SOX11: variants seen among roughly 807,000 people sequenced by gnomAD.
SOX11 encodes transcription factor SOX-11.
A neutral mutation model predicts 16.7 loss-of-function variants in SOX11; 5 were observed. The observed-to-expected ratio is 0.30, with a 90% CI of 0.16 to 0.63. SOX11 has a LOEUF of 0.63. SOX11 is among the 20% of genes least tolerant of loss of function. The pLI is 0.82. For missense variants in SOX11, 492 were observed against 641.5 expected, an observed-to-expected ratio of 0.77 and a Z score of 2.52; for synonymous variants, 363 against 298.8, an observed-to-expected ratio of 1.21 and a Z score of -2.22.
At position 5,693,426 on chromosome 2, in the gene SOX11, G is replaced by A. The variant is rs777727843; in HGVS notation, c.705G>A (p.Leu235=). 2 of 1,591,826 alleles carry A rather than the reference G, an allele frequency of 1.3e-6. No homozygotes were observed. The highest frequency in any genetic ancestry group is 2.2e-5 in the East Asian group (1 of 44,508). Reference sequence around the variant, plus strand: ...ACGACGACGACGACGACGACGAGCTGCAGCTGCAGATCAAACAGGAGCCGG... The same window carrying A: ...ACGACGACGACGACGACGACGAGCTACAGCTGCAGATCAAACAGGAGCCGG... ...DDDDDDDDDE[L]QLQIKQEPDE... is the part of the protein sequence containing the mutation. Residue 235 remains leucine, a synonymous_variant, in exon 1 of 1, where the codon CTG becomes CTA. Transcript: ENST00000322002. This position sits in a 1 kb window ranked among gnomAD's most constrained non-coding sequence, Gnocchi z 8.6.
chr2:5,699,964 G>A lies in SOX11; in HGVS notation c.*5917G>A, dbSNP rs1023158422. 1.8e-5 allele frequency: 3 copies of A among 166,954 alleles called. No homozygotes were observed. Among genetic ancestry groups the A allele is most frequent in the Non-Finnish European group, 2.9e-5 (2 of 68,122 alleles). The allele number at this position is 166,954 out of a possible 1,614,324, so 10.3% of individuals were successfully genotyped here. ...AAGTATAAAACGGCTTACAAAGGGA[G>A]ACACAAGCTCATAATGTTCCATGTA... is the stretch of plus-strand genomic sequence containing the variant. On this transcript the variant is annotated 3_prime_UTR_variant, in exon 1 of 1. Transcript: ENST00000322002.
Position 5,694,016 on chromosome 2 carries a change from C to A in SOX11, c.1295C>A (p.Ala432Glu), listed in dbSNP as rs767281459. The A allele has an allele frequency of 1.3e-6, 2 of 1,551,022 alleles. No individual in the cohort carries two copies. The highest frequency in any genetic ancestry group is 1.7e-6 in the Non-Finnish European group (2 of 1,146,934). Residue 432 changes from alanine (A) to glutamate (E), a missense_variant, in exon 1 of 1, where the codon GCG (alanine) becomes GAG (glutamate). By Grantham distance (107) the Ala-to-Glu change is moderately radical (BLOSUM62 -1). Transcript: ENST00000322002. ...SEMIAGDWLE[A>E]NFSDLVFTY ...ATGATCGCGGGGGACTGGCTGGAGGCGAACTTCTCCGACCTGGTGTTCACA... is the reference window on the plus strand; with the variant it reads ...ATGATCGCGGGGGACTGGCTGGAGGAGAACTTCTCCGACCTGGTGTTCACA...
rs4371338 is a variant in SOX11 at position 5,697,898 on chromosome 2, G to A, written c.*3851G>A. 0.4 allele frequency: 67,594 copies of A among 166,918 alleles called. 14,103 individuals are homozygous for A. The highest frequency in any genetic ancestry group is 0.54 in the Admixed American group (8,211 of 15,274). 10.3% of individuals were successfully genotyped at this position (166,918 alleles called of 1,614,324 possible). On this transcript the variant is annotated 3_prime_UTR_variant, in exon 1 of 1. Coordinates refer to ENST00000322002, the MANE Select transcript of SOX11 (RefSeq NM_003108.4). The stretch of plus-strand genomic sequence containing the variant: ...ATAGGCTGATCTATGTATTTTGAAA[G>A]CCTGAAAACTTGGCATGTCTTTTCT...
Position 5,696,932 on chromosome 2 carries a change from G to A in SOX11, c.*2885G>A, listed in dbSNP as rs889856297. ...GGAGCCTCCTGGGGGCTCCGGCGGC[G>A]GCGCGGGCGCGACCCATCCCGCTGG... On this transcript the variant is annotated 3_prime_UTR_variant, in exon 1 of 1. Coordinates refer to ENST00000322002, the MANE Select transcript of SOX11 (RefSeq NM_003108.4). 1.9e-5 allele frequency: 3 copies of A among 159,794 alleles called. No individual in the cohort carries two copies. The highest frequency in any genetic ancestry group is 7.3e-5 in the African/African-American group (3 of 41,374). 9.9% of individuals were successfully genotyped at this position (159,794 alleles called of 1,614,324 possible). A position where few individuals can be genotyped will look rare whatever the true frequency, so the allele number is the denominator to read the frequency against.
In SOX11 at chr2:5,693,711, G is replaced by A. The variant is rs1366863339; in HGVS notation, c.990G>A (p.Ala330=). 2 of 1,599,250 alleles carry A rather than the reference G, an allele frequency of 1.3e-6. No individual in the cohort carries two copies. The highest frequency in any genetic ancestry group is 2.2e-5 in the East Asian group (1 of 44,588). ...KQHPPPLAQP[A]LSPASSRSVS... ...ACCCGCCGCCGCTCGCGCAGCCCGCGCTGTCGCCCGCGTCCTCGCGCTCGG... is the reference window on the plus strand; with the variant it reads ...ACCCGCCGCCGCTCGCGCAGCCCGCACTGTCGCCCGCGTCCTCGCGCTCGG... The change falls in exon 1 of 1, where the codon GCG becomes GCA. Residue 330 remains alanine (A), a synonymous_variant. Transcript: ENST00000322002. This position sits in a 1 kb window ranked among gnomAD's most constrained non-coding sequence, Gnocchi z 8.6.
rs1030487610 is a variant in SOX11, at chr2:5,692,487, C to G, written c.-235C>G. Among the ~76,000 whole-genome samples the G allele has an allele frequency of 2.1e-4, 32 of 151,990 alleles. No homozygotes were observed. The highest frequency in any genetic ancestry group is 3.4e-3 in the Middle Eastern group (1 of 292). On this transcript the variant is annotated 5_prime_UTR_variant, in exon 1 of 1. Coordinates refer to ENST00000322002, the MANE Select transcript of SOX11 (RefSeq NM_003108.4). Reference sequence around the variant, plus strand: ...CGGGCTGCCTCGACCGCCGTCGCCACCGCCTCTCCTGTCGCGACCGCAGCT... The same window carrying G: ...CGGGCTGCCTCGACCGCCGTCGCCAGCGCCTCTCCTGTCGCGACCGCAGCT...
rs752522638 is a variant in SOX11 at position 5,694,017 on chromosome 2, G to A, written c.1296G>A (p.Ala432=). Residue 432 remains alanine (A), a synonymous_variant, in exon 1 of 1, where the codon GCG becomes GCA. Transcript: ENST00000322002. ...TGATCGCGGGGGACTGGCTGGAGGCGAACTTCTCCGACCTGGTGTTCACAT... is the reference window on the plus strand; with the variant it reads ...TGATCGCGGGGGACTGGCTGGAGGCAAACTTCTCCGACCTGGTGTTCACAT... ...SEMIAGDWLE[A]NFSDLVFTY 4.5e-6 allele frequency: 7 copies of A among 1,550,984 alleles called. No homozygotes were observed. The highest frequency in any genetic ancestry group is 6.1e-6 in the Non-Finnish European group (7 of 1,146,976).
chr2:5,700,271 A>AT lies in SOX11; in HGVS notation c.*6230dup, dbSNP rs1023498005. The AT allele has an allele frequency of 6.0e-5, 10 of 167,036 alleles. No individual in the cohort carries two copies. The highest frequency in any genetic ancestry group is 2.2e-4 in the African/African-American group (9 of 41,454). 10.3% of individuals were successfully genotyped at this position (167,036 alleles called of 1,614,324 possible). A position where few individuals can be genotyped will look rare whatever the true frequency, so the allele number is the denominator to read the frequency against. On this transcript the variant is annotated 3_prime_UTR_variant, in exon 1 of 1. Coordinates refer to ENST00000322002, the MANE Select transcript of SOX11 (RefSeq NM_003108.4). The stretch of plus-strand genomic sequence containing the variant: ...TCTTTTATGTAGTCACGTAGACTTG[A>AT]TTTTTTCTGCTGTGAAAATGAAAAA...
At position 5,694,666 on chromosome 2, in the gene SOX11, ATTTTTTTTTT is replaced by A. The variant is rs5829022; in HGVS notation, c.*642_*651del. 40 of 42,882 alleles carry A rather than the reference ATTTTTTTTTT, an allele frequency of 9.3e-4. No individual in the cohort carries two copies. Among genetic ancestry groups the A allele is most frequent in the South Asian group, 3.7e-3 (2 of 538 alleles). The allele number at this position is 42,882 out of a possible 1,614,324, so 2.7% of individuals were successfully genotyped here. A position where few individuals can be genotyped will look rare whatever the true frequency, so the allele number is the denominator to read the frequency against. ...GACCATTGCAACTTTTGTTAATTTA[ATTTTTTTTTT>A]TTTTTTTTTTTTTTTTTTTTTTGGA... On this transcript the variant is annotated 3_prime_UTR_variant, in exon 1 of 1. Transcript: ENST00000322002.
Position 5,693,643 on chromosome 2 carries a change from G to A in SOX11, c.922G>A (p.Gly308Ser), listed in dbSNP as rs759699166. Reference sequence around the variant, plus strand: ...CGGCGCGACCTCGGGCGCCGGGGGCGGCAGCCGCCTCTACTACAGCTTCAA... The same window carrying A: ...CGGCGCGACCTCGGGCGCCGGGGGCAGCAGCCGCCTCTACTACAGCTTCAA... ...RAGATSGAGG[G>S]SRLYYSFKNI... Residue 308 changes from glycine to serine, a missense_variant, in exon 1 of 1, where the codon GGC becomes AGC. Gly to Ser is a moderately conservative substitution (Grantham distance 56, BLOSUM62 0). Around this residue, in one of 4 missense-constraint regions of SOX11, gnomAD observed 389 missense variants for 389.0 expected, o/e 1.00. Coordinates refer to ENST00000322002, the MANE Select transcript of SOX11 (RefSeq NM_003108.4). The surrounding 1 kb of genome is among the most constrained non-coding windows in gnomAD (Gnocchi z 8.6). 1.3e-6 allele frequency: 2 copies of A among 1,586,532 alleles called. No homozygotes were observed. The highest frequency in any genetic ancestry group is 1.7e-6 in the Non-Finnish European group (2 of 1,173,604).
At position 5,699,708 on chromosome 2, in the gene SOX11, GC is replaced by G. The variant is rs1193478121; in HGVS notation, c.*5662del. 1 of 107,506 alleles carries G rather than the reference GC, an allele frequency of 9.3e-6. No homozygotes were observed. The highest frequency in any genetic ancestry group is 4.7e-5 in the African/African-American group (1 of 21,264). 6.7% of individuals were successfully genotyped at this position (107,506 alleles called of 1,614,324 possible). On this transcript the variant is annotated 3_prime_UTR_variant, in exon 1 of 1. Transcript: ENST00000322002. ...CTCTCTTCCATTTTACTTACTGCTG[GC>G]TTTTTTTTTTTTTTTTTTCCTTGAT...
chr2:5,693,277 G>A lies in SOX11; in HGVS notation c.556G>A (p.Ala186Thr). 2 of 1,448,592 alleles carry A rather than the reference G, an allele frequency of 1.4e-6. No homozygotes were observed. The allele number at this position is 1,448,592 out of a possible 1,614,324, so 89.7% of individuals were successfully genotyped here. ...AGAKAGAGKA[A>T]QSGDYGGAGD... ...CGCCAAGGCGGGCGCGGGCAAGGCG[G>A]CCCAGTCCGGGGACTACGGGGGCGC... The change falls in exon 1 of 1, where the codon GCC becomes ACC. Residue 186 changes from alanine to threonine, a missense_variant. Ala to Thr is a moderately conservative substitution (Grantham distance 58, BLOSUM62 0). Transcript: ENST00000322002. This position sits in a 1 kb window ranked among gnomAD's most constrained non-coding sequence, Gnocchi z 8.6.
Position 5,699,875 on chromosome 2 carries a change from T to C in SOX11, c.*5828T>C, listed in dbSNP as rs1665805054. On this transcript the variant is annotated 3_prime_UTR_variant, in exon 1 of 1. Transcript: ENST00000322002. The stretch of plus-strand genomic sequence containing the variant: ...ACAAACAAGTAGTTTTTTAGTGAAC[T>C]TAAAATAAACAGAATTTTAAAGGAG... The C allele has an allele frequency of 1.2e-5, 2 of 167,068 alleles. No homozygotes were observed. The highest frequency in any genetic ancestry group is 1.3e-4 in the Admixed American group (2 of 15,284). 10.3% of individuals were successfully genotyped at this position (167,068 alleles called of 1,614,324 possible).
In SOX11 at chr2:5,695,256, T is replaced by C. The variant is rs1457724925; in HGVS notation, c.*1209T>C. On this transcript the variant is annotated 3_prime_UTR_variant, in exon 1 of 1. Coordinates refer to ENST00000322002, the MANE Select transcript of SOX11 (RefSeq NM_003108.4). Reference sequence around the variant, plus strand: ...ACAGCTATAGTAGAGATTTGTTCAATATTTGTAGGTAAAGATTTATTGAAA... The same window carrying C: ...ACAGCTATAGTAGAGATTTGTTCAACATTTGTAGGTAAAGATTTATTGAAA... The C allele has an allele frequency of 6.0e-6, 1 of 166,746 alleles. No homozygotes were observed. The highest frequency in any genetic ancestry group is 2.4e-5 in the African/African-American group (1 of 41,362). The allele number at this position is 166,746 out of a possible 1,614,324, so 10.3% of individuals were successfully genotyped here.
rs1401212310 is a variant in SOX11, at chr2:5,693,249, G to T, written c.528G>T (p.Ala176=). Reference sequence around the variant, plus strand: ...GCAAGCTCAAGGCCCCCGCGGCCGCGGGCGCCAAGGCGGGCGCGGGCAAGG... The same window carrying T: ...GCAAGCTCAAGGCCCCCGCGGCCGCTGGCGCCAAGGCGGGCGCGGGCAAGG... ...KCGKLKAPAA[A]GAKAGAGKAA... is the part of the protein sequence containing the mutation. Residue 176 remains alanine, a synonymous_variant, in exon 1 of 1, where the codon GCG becomes GCT. Transcript: ENST00000322002. The surrounding 1 kb of genome is among the most constrained non-coding windows in gnomAD (Gnocchi z 8.6). The T allele has an allele frequency of 5.8e-6, 8 of 1,378,224 alleles. No homozygotes were observed. Among genetic ancestry groups the T allele is most frequent in the Middle Eastern group, 2.2e-4 (1 of 4,574 alleles). The allele number at this position is 1,378,224 out of a possible 1,614,324, so 85.4% of individuals were successfully genotyped here. A position where few individuals can be genotyped will look rare whatever the true frequency, so the allele number is the denominator to read the frequency against.
chr2:5,693,413 A>G lies in SOX11; in HGVS notation c.692A>G (p.Asp231Gly), dbSNP rs765361062. The change falls in exon 1 of 1, where the codon GAC (aspartate) becomes GGC (glycine). Residue 231 changes from aspartate to glycine, a missense_variant. Asp to Gly is a moderately conservative substitution (Grantham distance 94). Around this residue, in one of 4 missense-constraint regions of SOX11, gnomAD observed 389 missense variants for 389.0 expected, o/e 1.00. Transcript: ENST00000322002. This position sits in a 1 kb window ranked among gnomAD's most constrained non-coding sequence, Gnocchi z 8.6. ...GATGAGGACGACGACGACGACGACG[A>G]CGACGACGAGCTGCAGCTGCAGATC... ...FLDEDDDDDDDDDELQLQIKQ... is the reference protein window; with the variant it reads ...FLDEDDDDDDGDDELQLQIKQ... 3.8e-6 allele frequency: 6 copies of G among 1,591,694 alleles called. No individual in the cohort carries two copies. In the East Asian group the frequency reaches 1.3e-4, roughly 36 times the overall value.
In SOX11 at chr2:5,696,546, G is replaced by T; in HGVS notation, c.*2499G>T. On this transcript the variant is annotated 3_prime_UTR_variant, in exon 1 of 1. Transcript: ENST00000322002. ...CCACTGGTGAGGGCGTGGGGAGCAGGGGGTGGCAGAGGGCACCCGGGCGGT... is the reference window on the plus strand; with the variant it reads ...CCACTGGTGAGGGCGTGGGGAGCAGTGGGTGGCAGAGGGCACCCGGGCGGT... The T allele has an allele frequency of 6.5e-6, 1 of 154,490 alleles. No individual in the cohort carries two copies. 9.6% of individuals were successfully genotyped at this position (154,490 alleles called of 1,614,324 possible).
chr2:5,693,018 C>T lies in SOX11; in HGVS notation c.297C>T (p.Ile99=), dbSNP rs775620512. 14 of 1,614,114 alleles carry T rather than the reference C, an allele frequency of 8.7e-6. No individual in the cohort carries two copies. The South Asian group carries it at 1.5e-4, about 18-fold the overall frequency. Residue 99 remains isoleucine, a synonymous_variant, in exon 1 of 1, where the codon ATC becomes ATT. Transcript: ENST00000322002. This position sits in a 1 kb window ranked among gnomAD's most constrained non-coding sequence, Gnocchi z 8.6. ...AGGACAGCGAGAAGATCCCGTTCATCCGGGAGGCGGAGCGGCTGCGGCTCA... is the reference window on the plus strand; with the variant it reads ...AGGACAGCGAGAAGATCCCGTTCATTCGGGAGGCGGAGCGGCTGCGGCTCA... ...MLKDSEKIPF[I]REAERLRLKH... is the part of the protein sequence containing the mutation.
In SOX11 at chr2:5,699,841, G is replaced by A. The variant is rs56678434; in HGVS notation, c.*5794G>A. 3 of 166,156 alleles carry A rather than the reference G, an allele frequency of 1.8e-5. No homozygotes were observed. Among genetic ancestry groups the A allele is most frequent in the African/African-American group, 4.9e-5 (2 of 41,134 alleles). 10.3% of individuals were successfully genotyped at this position (166,156 alleles called of 1,614,324 possible). A position where few individuals can be genotyped will look rare whatever the true frequency, so the allele number is the denominator to read the frequency against. On this transcript the variant is annotated 3_prime_UTR_variant, in exon 1 of 1. Transcript: ENST00000322002. ...CCATGTGGATGCAGTGAGTTTATAA[G>A]AGAATTTCACAAACAAGTAGTTTTT...
Sources: allele counts gnomAD v4.1 joint callset (sites outside exome capture counted in the v4.1 genomes callset), GRCh38; gene constraint gnomAD v4.1.1; regional missense constraint gnomAD v4.1.1; non-coding constraint Gnocchi (gnomAD v3.1); transcripts MANE v1.5; gene names NCBI Gene and HGNC (gene_info 2026-07-23, HGNC 2026-07-21).